Variants in STMN4 observed in about 807,000 individuals in gnomAD.
STMN4 encodes the protein stathmin 4.
In STMN4, 12 loss-of-function variants were observed where a neutral mutation model predicts 29.1. The observed-to-expected ratio is 0.41, with a 90% CI of 0.26 to 0.67. STMN4 has a LOEUF of 0.67. STMN4 is among the 30% of genes least tolerant of loss of function. The probability of loss-of-function intolerance (pLI) is 0.30; values close to 1 mark genes in which losing one functional copy is unlikely to be tolerated. For synonymous variants in STMN4, 114 were observed against 105.3 expected, an observed-to-expected ratio of 1.08 and a Z score of -0.51; for missense variants, 181 against 262.8, an observed-to-expected ratio of 0.69 and a Z score of 2.15.
intron 5 of STMN4, 124 bp from the exon 6 acceptor site, chr8:27,240,286 A>G (rs1801432207): frequency 1.7e-5 from 17 of 1,015,886 alleles, no homozygotes; most frequent in Non-Finnish European, 2.0e-5. Context: ...TCCCCAGACC[A>G]TTAGCAGGAA....
chr8:27,241,750 A>G lies in STMN4; in HGVS notation c.117T>C (p.Cys39=). The change falls in exon 4 of 7, where the codon TGT becomes TGC. Residue 39 remains cysteine, a synonymous_variant. Transcript: ENST00000350889. ...NKSSYKYEGW[C]GRQCRRKDES... The stretch of plus-strand genomic sequence containing the variant: ...CATCCTTCCTCCTACACTGTCTCCC[A>G]CACCAGCCTAGACAGAAAAAACAAC... 1.9e-6 allele frequency: 3 copies of G among 1,614,020 alleles called. No homozygotes were observed. Among genetic ancestry groups the G allele is most frequent in the Non-Finnish European group, 2.5e-6 (3 of 1,179,990 alleles).
chr8:27,240,253 A>G (rs993396312), intron 5 of STMN4, 91 bp from the exon 6 acceptor site: 3 of 1,396,916 alleles, frequency 2.1e-6, no homozygotes, highest in Non-Finnish European at 2.9e-6. Flanking sequence ...GCACACTCAG[A>G]ACACTCACCT....
rs1017820600 is a variant in STMN4, at chr8:27,239,901, C to G, written c.591+70G>C. On this transcript the variant is annotated intron_variant, in intron 6 of 6. Transcript: ENST00000350889. ...TTCCTCCCTGAGATGATCAGCAGGT[C>G]CCCGCATACTTGCTGCAGAAGGAAA... is the stretch of plus-strand genomic sequence containing the variant. 3.1e-6 allele frequency: 5 copies of G among 1,611,006 alleles called. No individual in the cohort carries two copies. The African/African-American group carries it at 6.7e-5, about 22-fold the overall frequency.
chr8:27,242,910 C>T (rs763105680), intron 2 of STMN4, among the ~76,000 whole-genome samples: 1 of 152,174 alleles, frequency 6.6e-6, no homozygotes, highest in Non-Finnish European at 1.5e-5. Context: ...TACCTGGCAG[C>T]GCTGGCCTGC....
chr8:27,238,859 A>C (rs904414274), intron 6 of STMN4, among the ~76,000 whole-genome samples: 7 of 152,274 alleles, frequency 4.6e-5, no homozygotes, highest in African/African-American at 1.7e-4. Flanking sequence ...TTTTGCAAAG[A>C]GTCTCTCAAG....
chr8:27,236,993 A>G, intron 6 of STMN4, 88 bp from the exon 7 acceptor site: 1 of 1,394,818 alleles, frequency 7.2e-7, no homozygotes, highest in Non-Finnish European at 9.8e-7. Flanking sequence ...ACCAAAAGCA[A>G]AGAGTGGCCA....
At chr8:27,249,841 C>A (rs768526776) in intron 1 of STMN4, among the ~76,000 whole-genome samples, 3 of 152,170 alleles carry the variant, frequency 2.0e-5, no homozygotes, top group Non-Finnish European at 2.9e-5. Flanking sequence ...ACTGCCCATA[C>A]GACAGAATGA....
intron 1 of STMN4, among the ~76,000 whole-genome samples, chr8:27,256,091 G>A (rs2130180607): frequency 6.6e-6 from 1 of 152,274 alleles, no homozygotes; most frequent in South Asian, 2.1e-4. Context: ...ATTACACTCA[G>A]CGAAATAAGC....
chr8:27,253,183 A>G (rs946001935), intron 1 of STMN4, among the ~76,000 whole-genome samples: 1 of 152,256 alleles, frequency 6.6e-6, no homozygotes, highest in Non-Finnish European at 1.5e-5. Flanking sequence ...CAGAGAGAAC[A>G]GAGCCAAGCT....
intron 1 of STMN4, among the ~76,000 whole-genome samples, chr8:27,252,060 G>A (rs1801805340): frequency 6.6e-6 from 1 of 151,536 alleles, no homozygotes; most frequent in Non-Finnish European, 1.5e-5. Flanking sequence ...AATATGCAGT[G>A]TTTGGTTTTT....
chr8:27,250,577 G>T (rs556233416), intron 1 of STMN4, among the ~76,000 whole-genome samples: 2 of 152,146 alleles, frequency 1.3e-5, no homozygotes, highest in South Asian at 2.1e-4. Context: ...GAATTAGAGT[G>T]CAGACCAAGA....
intron 1 of STMN4, among the ~76,000 whole-genome samples, chr8:27,249,588 C>T (rs1186013263): frequency 6.6e-6 from 1 of 152,154 alleles, no homozygotes; most frequent in East Asian, 1.9e-4. Flanking sequence ...TTTATACTTG[C>T]TCCTTCTCTG....
intron 1 of STMN4, among the ~76,000 whole-genome samples, chr8:27,257,405 C>T (rs73239484): frequency 0.062 from 9,315 of 150,360 alleles, 397 homozygotes; most frequent in Non-Finnish European, 0.09. Context: ...CTTCCCAGGG[C>T]ATTCAGATAA....
At chr8:27,258,060 A>G (rs1379814492) in intron 1 of STMN4, among the ~76,000 whole-genome samples, 1 of 152,154 alleles carries the variant, frequency 6.6e-6, no homozygotes, top group Non-Finnish European at 1.5e-5. Flanking sequence ...GCAACAAAAC[A>G]TTTTTATGCA....
intron 1 of STMN4, among the ~76,000 whole-genome samples, chr8:27,257,459 A>AACACACACACACAC (rs59516183): frequency 5.4e-4 from 74 of 137,822 alleles, no homozygotes; most frequent in East Asian, 2.0e-3. Context: ...CCCCCATACA[A>AACACACACACACAC]ACACACACAC....
At chr8:27,245,180 AT>A (rs1430764540) in intron 1 of STMN4, among the ~76,000 whole-genome samples, 1 of 152,214 alleles carries the variant, frequency 6.6e-6, no homozygotes, top group African/African-American at 2.4e-5. Flanking sequence ...TACAAATTAA[AT>A]GAGAAAAACC....
At chr8:27,239,634 C>CCCTA in intron 6 of STMN4, 1 of 1,300,342 alleles carries the variant, frequency 7.7e-7, no homozygotes. Flanking sequence ...AGGGATGAAG[C>CCCTA]TAGGAATGCA....
intron 1 of STMN4, among the ~76,000 whole-genome samples, chr8:27,245,006 C>T (rs367848907): frequency 1.3e-5 from 2 of 152,102 alleles, no homozygotes; most frequent in South Asian, 2.1e-4. Context: ...CCACTTCAAA[C>T]CCCTTGCCTT....
chr8:27,244,061 G>T (rs762736480), intron 1 of STMN4, among the ~76,000 whole-genome samples: 16 of 152,142 alleles, frequency 1.1e-4, no homozygotes, highest in Non-Finnish European at 1.9e-4. Flanking sequence ...ACATGCAAGC[G>T]TGGGTTTCCC....
Sources: gnomAD v4.1 joint callset for allele counts (sites outside exome capture counted in the v4.1 genomes callset) on GRCh38, gnomAD v4.1.1 for gene constraint, MANE v1.5 for transcripts, NCBI Gene and HGNC (gene_info 2026-07-23, HGNC 2026-07-21) for gene names.